NTNG1: variants seen among roughly 807,000 people sequenced by gnomAD.
NTNG1 encodes netrin-G1.
NTNG1 carries 16 observed loss-of-function variants against 54.0 expected under a neutral mutation model. The ratio of observed to expected loss-of-function variants is 0.30; its 90% CI spans 0.20 to 0.45. The LOEUF (loss-of-function observed/expected upper bound fraction) is 0.45. Ranked by LOEUF, NTNG1 falls within the 20% of genes least tolerant of loss-of-function variation. NTNG1 has a pLI of 1.00. For missense variants in NTNG1, 530 were observed against 678.7 expected (o/e 0.78, Z 2.43); for synonymous variants, 255 against 263.1 (o/e 0.97, Z 0.30).
At chr1:107,177,711 T>C (rs1440059781) in intron 2 of NTNG1, among the ~76,000 whole-genome samples, 1 of 152,234 alleles carries the variant, frequency 6.6e-6, no homozygotes, top group African/African-American at 2.4e-5. Flanking sequence ...GTCTATACTT[T>C]TGTTTGATTT....
At chr1:107,327,059 G>A (rs1430417761) in intron 3 of NTNG1, among the ~76,000 whole-genome samples, 2 of 152,086 alleles carry the variant, frequency 1.3e-5, no homozygotes, top group Non-Finnish European at 2.9e-5. Flanking sequence ...CTCCTTCTCT[G>A]GACTCAGCTC....
intron 5 of NTNG1, among the ~76,000 whole-genome samples, chr1:107,418,992 A>AT (rs1674401575): frequency 6.6e-6 from 1 of 151,996 alleles, no homozygotes; most frequent in Non-Finnish European, 1.5e-5. Context: ...TCTTCCTCTT[A>AT]TTTTTAAGTC....
intron 7 of NTNG1, among the ~76,000 whole-genome samples, chr1:107,469,114 A>T (rs978914546): frequency 5.9e-5 from 9 of 151,746 alleles, no homozygotes; most frequent in South Asian, 2.1e-4. Flanking sequence ...AAAAAAAAAA[A>T]ACAACGAAAG....
At chr1:107,300,707 T>A (rs1009525723) in intron 2 of NTNG1, among the ~76,000 whole-genome samples, 2 of 152,218 alleles carry the variant, frequency 1.3e-5, no homozygotes, top group Non-Finnish European at 2.9e-5. Context: ...TCTTCTTTTT[T>A]AAAGTTGATT....
intron 3 of NTNG1, among the ~76,000 whole-genome samples, chr1:107,367,727 CT>C (rs1318039903): frequency 6.6e-6 from 1 of 151,710 alleles, no homozygotes; most frequent in African/African-American, 2.4e-5. Context: ...TTTTTTCTGT[CT>C]GTTTGTTTGG....
intron 2 of NTNG1, among the ~76,000 whole-genome samples, chr1:107,242,204 G>A (rs942932611): frequency 2.0e-5 from 3 of 152,040 alleles, no homozygotes; most frequent in African/African-American, 7.2e-5. Context: ...CAGAGGAGTG[G>A]TTGGGGAGGC....
chr1:107,468,530 C>A (rs1677748342), intron 7 of NTNG1, among the ~76,000 whole-genome samples: 1 of 152,180 alleles, frequency 6.6e-6, no homozygotes, highest in Admixed American at 6.5e-5. Context: ...GATTGTCTTT[C>A]ATAATTCCAA....
chr1:107,262,349 A>G (rs1036203073), intron 2 of NTNG1, among the ~76,000 whole-genome samples: 2 of 152,168 alleles, frequency 1.3e-5, no homozygotes, highest in African/African-American at 4.8e-5. Flanking sequence ...GTTCAGGGAG[A>G]AGAGGGCAGT....
chr1:107,382,389 A>G (rs1220717593), intron 3 of NTNG1, among the ~76,000 whole-genome samples: 3 of 152,206 alleles, frequency 2.0e-5, no homozygotes, highest in Non-Finnish European at 4.4e-5. Flanking sequence ...ATTTGACTCT[A>G]AAAATGTGAC....
intron 5 of NTNG1, among the ~76,000 whole-genome samples, chr1:107,426,040 TG>T (rs1674889754): frequency 6.6e-6 from 1 of 152,122 alleles, no homozygotes. Flanking sequence ...GTTTTATTCT[TG>T]TTGAGTTATC....
chr1:107,389,818 C>A (rs1248268445), intron 3 of NTNG1, among the ~76,000 whole-genome samples: 1 of 152,168 alleles, frequency 6.6e-6, no homozygotes, highest in African/African-American at 2.4e-5. Flanking sequence ...TGACTGCTAG[C>A]AGAGCCTTTT....
chr1:107,449,701 T>C (rs977166038), intron 7 of NTNG1, among the ~76,000 whole-genome samples: 5 of 147,814 alleles, frequency 3.4e-5, no homozygotes, highest in African/African-American at 7.5e-5. Context: ...ATCAATGTTA[T>C]GAGCTTCTTC....
intron 3 of NTNG1, among the ~76,000 whole-genome samples, chr1:107,328,660 G>C (rs7531522): frequency 0.76 from 116,245 of 152,054 alleles, 46,982 homozygotes; most frequent in Non-Finnish European, 0.9. Flanking sequence ...TTGTTTCTTT[G>C]CAAGCTTTCC....
chr1:107,209,314 C>T (rs967929495), intron 2 of NTNG1, among the ~76,000 whole-genome samples: 21 of 151,942 alleles, frequency 1.4e-4, no homozygotes, highest in Non-Finnish European at 2.1e-4. Context: ...TTTCCAGACA[C>T]CACTATGTGC....
intron 7 of NTNG1, among the ~76,000 whole-genome samples, chr1:107,445,680 A>T (rs1051574870): frequency 2.6e-5 from 4 of 152,070 alleles, no homozygotes; most frequent in African/African-American, 9.7e-5. Context: ...AGCTTTGATA[A>T]TTTATTCCAG....
At chr1:107,339,315 G>A (rs1331022003) in intron 3 of NTNG1, among the ~76,000 whole-genome samples, 1 of 152,028 alleles carries the variant, frequency 6.6e-6, no homozygotes, top group Non-Finnish European at 1.5e-5. Context: ...CCATTTAAAG[G>A]AAGCAATGAA....
intron 2 of NTNG1, among the ~76,000 whole-genome samples, chr1:107,300,258 C>T (rs1196709320): frequency 6.6e-6 from 1 of 152,146 alleles, no homozygotes; most frequent in Non-Finnish European, 1.5e-5. Context: ...GTGGTTGGCT[C>T]GTCACATGCC....
chr1:107,376,317 G>GGA (rs1671237904), intron 3 of NTNG1, among the ~76,000 whole-genome samples: 1 of 151,824 alleles, frequency 6.6e-6, no homozygotes. Context: ...CTGAGGCATG[G>GGA]GAATGGCGTG....
chr1:107,459,528 C>T (rs956202814), intron 7 of NTNG1, among the ~76,000 whole-genome samples: 1 of 150,868 alleles, frequency 6.6e-6, no homozygotes, highest in African/African-American at 2.4e-5. Context: ...AAAAAGTTGC[C>T]AAAAGAAAAA....
Sources: allele counts gnomAD v4.1 joint callset (sites outside exome capture counted in the v4.1 genomes callset), GRCh38; gene constraint gnomAD v4.1.1; transcripts MANE v1.5; gene names NCBI Gene and HGNC (gene_info 2026-07-23, HGNC 2026-07-21).